Variants in PDE1C observed in about 807,000 individuals in gnomAD.
The protein encoded by PDE1C is phosphodiesterase 1C, also known as dual specificity calcium/calmodulin-dependent 3',5'-cyclic nucleotide phosphodiesterase 1C.
In PDE1C, 62 loss-of-function variants were observed where a neutral mutation model predicts 93.1. The observed-to-expected ratio is 0.67, with a 90% CI of 0.54 to 0.82. The LOEUF (loss-of-function observed/expected upper bound fraction) is 0.82, where lower values mean the gene tolerates loss of function less well. Ranked by LOEUF, PDE1C falls within the 40% of genes least tolerant of loss-of-function variation. PDE1C has a pLI of 0.00. For missense variants in PDE1C, 742 were observed against 884.6 expected, an observed-to-expected ratio of 0.84 and a Z score of 2.04; for synonymous variants, 325 against 310.1, an observed-to-expected ratio of 1.05 and a Z score of -0.50.
chr7:32,169,691 T>C, intron 3 of PDE1C: 1 of 1,029,002 alleles, frequency 9.7e-7, no homozygotes, highest in Non-Finnish European at 1.5e-6. Context: ...AGAAATGAAG[T>C]AATTTGCTGG....
rs562206661 is a variant in PDE1C, at chr7:32,311,648, A to G, written c.311-102109T>C. Among the ~76,000 whole-genome samples, 29 of 152,270 alleles carry G rather than the reference A, an allele frequency of 1.9e-4. No homozygotes were observed. The South Asian group carries it at 6.0e-3, about 32-fold the overall frequency. On this transcript the variant is annotated intron_variant, in intron 1 of 1. Transcript: ENST00000672256. Reference sequence around the variant, plus strand: ...CCAGCATATAAACAGAACCAAAGATAAAAACCACATGATTATCTCAATAGA... The same window carrying G: ...CCAGCATATAAACAGAACCAAAGATGAAAACCACATGATTATCTCAATAGA...
intron 17 of PDE1C, among the ~76,000 whole-genome samples, chr7:31,763,148 T>C (rs970174998): frequency 6.6e-6 from 1 of 152,192 alleles, no homozygotes; most frequent in Admixed American, 6.5e-5. Flanking sequence ...GGACTGAGTC[T>C]GTTTTGAGAG....
At chr7:32,320,013 C>T (rs531192623) in intron 1 of PDE1C, among the ~76,000 whole-genome samples, 3 of 152,266 alleles carry the variant, frequency 2.0e-5, no homozygotes, top group African/African-American at 4.8e-5. Context: ...AGCTTCCCTG[C>T]CTACGACACA....
intron 10 of PDE1C, among the ~76,000 whole-genome samples, 166 bp downstream of exon 10, chr7:31,837,704 T>C (rs147783185): frequency 2.2e-3 from 338 of 152,354 alleles, no homozygotes; most frequent in African/African-American, 7.2e-3. Context: ...ACATACCTTA[T>C]TGTGGTAGGT....
chr7:31,714,084 G>T, the PDE1C span, among the ~76,000 whole-genome samples: 1 of 152,130 alleles, frequency 6.6e-6, no homozygotes, highest in African/African-American at 2.4e-5. Flanking sequence ...TCTATTGTCA[G>T]GCTGCAAATT....
Position 31,939,159 on chromosome 7 carries a change from G to A in PDE1C, c.129-58299C>T, listed in dbSNP as rs148264261. 4.2e-3 allele frequency among the ~76,000 whole-genome samples: 632 copies of A among 152,256 alleles called. 2 individuals are homozygous for A. The highest frequency in any genetic ancestry group is 0.015 in the African/African-American group (610 of 41,560). ...TAATTTGTATTTTTTCAAGTCAGTT[G>A]CTATGGTTTTAAAAATTCATGTAGA... On this transcript the variant is annotated intron_variant, in intron 2 of 17. Transcript: ENST00000396191.
intron 2 of PDE1C, among the ~76,000 whole-genome samples, chr7:31,913,182 T>C (rs1801463747): frequency 6.6e-6 from 1 of 152,170 alleles, no homozygotes; most frequent in African/African-American, 2.4e-5. Context: ...GAAAGGATGC[T>C]AGCCTTTAAG....
At chr7:31,865,584 T>C (rs1281298363) in intron 6 of PDE1C, among the ~76,000 whole-genome samples, 1 of 152,216 alleles carries the variant, frequency 6.6e-6, no homozygotes, top group Non-Finnish European at 1.5e-5. Context: ...TGTGGAATCA[T>C]TCACTATTTG....
intron 1 of PDE1C, among the ~76,000 whole-genome samples, chr7:32,409,176 G>A (rs913703387): frequency 1.3e-5 from 2 of 152,018 alleles, no homozygotes; most frequent in African/African-American, 4.8e-5. Context: ...GGGCAACATG[G>A]TGAAACCTCA....
chr7:32,360,117 C>T (rs188697660), intron 1 of PDE1C, among the ~76,000 whole-genome samples: 2 of 152,230 alleles, frequency 1.3e-5, no homozygotes, highest in Admixed American at 1.3e-4. Context: ...ATTCAGTGGC[C>T]ACCACTTAGA....
At chr7:31,692,646 G>A in the PDE1C span, 1 of 847,616 alleles carries the variant, frequency 1.2e-6, no homozygotes, top group South Asian at 1.6e-5. Context: ...TGTGCCTTCT[G>A]GTGACAGCCA....
At chr7:32,154,934 C>T (rs78059998) in intron 3 of PDE1C, among the ~76,000 whole-genome samples, 2,504 of 152,340 alleles carry the variant, frequency 0.016, 81 homozygotes, top group African/African-American at 0.057. Context: ...TTAGACTGAG[C>T]AATCTATGGC....
At chr7:32,081,131 G>C (rs1052113607) in intron 3 of PDE1C, among the ~76,000 whole-genome samples, 1 of 152,224 alleles carries the variant, frequency 6.6e-6, no homozygotes, top group Admixed American at 6.5e-5. Flanking sequence ...GTAGAGCTAT[G>C]TGGCTTCCCT....
intron 2 of PDE1C, among the ~76,000 whole-genome samples, chr7:31,901,096 C>G (rs1799918728): frequency 6.9e-6 from 1 of 144,572 alleles, no homozygotes. Context: ...CTATTAAGGA[C>G]TGGAATAAGG....
intron 2 of PDE1C, among the ~76,000 whole-genome samples, chr7:32,203,595 G>C (rs1358823166): frequency 6.6e-6 from 1 of 151,976 alleles, no homozygotes; most frequent in Non-Finnish European, 1.5e-5. Flanking sequence ...AAAATACCTG[G>C]ATTCTTAATT....
intron 2 of PDE1C, among the ~76,000 whole-genome samples, chr7:31,981,708 G>A (rs1812396794): frequency 6.6e-6 from 1 of 152,130 alleles, no homozygotes; most frequent in South Asian, 2.1e-4. Context: ...TTAAGTAGTT[G>A]ACACTTATAT....
chr7:32,145,415 G>T (rs1800780724), intron 3 of PDE1C, among the ~76,000 whole-genome samples: 1 of 152,116 alleles, frequency 6.6e-6, no homozygotes, highest in South Asian at 2.1e-4. Flanking sequence ...TGTGTCACTT[G>T]CCAGCTAGCA....
intron 7 of PDE1C, among the ~76,000 whole-genome samples, chr7:31,859,063 T>C (rs1562931660): frequency 6.6e-6 from 1 of 150,768 alleles, no homozygotes; most frequent in East Asian, 1.9e-4. Flanking sequence ...ATTAAGATTT[T>C]CTTATAATAA....
intron 1 of PDE1C, among the ~76,000 whole-genome samples, chr7:32,381,838 G>A (rs1048235234): frequency 2.0e-5 from 3 of 152,032 alleles, no homozygotes; most frequent in Non-Finnish European, 4.4e-5. Flanking sequence ...CCCCGCACTG[G>A]GATATCGGCT....
Sources: gnomAD v4.1 joint callset for allele counts (sites outside exome capture counted in the v4.1 genomes callset) on GRCh38, gnomAD v4.1.1 for gene constraint, MANE v1.5 for transcripts, NCBI Gene and HGNC (gene_info 2026-07-23, HGNC 2026-07-21) for gene names.